The following FREM2 variants were observed in gnomAD, a reference collection of about 807,000 sequenced individuals.
The protein encoded by FREM2 is FRAS1 related extracellular matrix 2.
A neutral mutation model predicts 219.9 loss-of-function variants in FREM2; 119 were observed. The observed-to-expected ratio is 0.54, with a 90% CI of 0.47 to 0.63. The LOEUF (loss-of-function observed/expected upper bound fraction) is 0.63, where lower values mean the gene tolerates loss of function less well. Among genes scored for constraint, FREM2 ranks in the 30% least tolerant of loss-of-function variants. The pLI, the probability that FREM2 is intolerant of heterozygous loss-of-function variation, is 0.00. For missense variants in FREM2, 4,030 were observed against 3,993.6 expected (o/e 1.01, Z -0.25); for synonymous variants, 1,562 against 1,522.8 (o/e 1.03, Z -0.60).
At chr13:38,769,231 A>G (rs562812291) in intron 3 of FREM2, among the ~76,000 whole-genome samples, 1 of 152,326 alleles carries the variant, frequency 6.6e-6, no homozygotes, top group South Asian at 2.1e-4. Context: ...GCAAAAGTAA[A>G]TGTGAAGAGT....
intron 4 of FREM2, among the ~76,000 whole-genome samples, chr13:38,782,097 G>A (rs995389483): frequency 1.3e-5 from 2 of 152,216 alleles, no homozygotes; most frequent in African/African-American, 4.8e-5. Context: ...ACAGCGCAGG[G>A]TGAAGCAGGG....
intron 3 of FREM2, among the ~76,000 whole-genome samples, chr13:38,764,740 A>T (rs1311927392): frequency 6.6e-6 from 1 of 152,204 alleles, no homozygotes; most frequent in Admixed American, 6.5e-5. Context: ...GCAAATCTGT[A>T]ATTTACCCGT....
chr13:38,687,197 A>G lies in FREM2; in HGVS notation c.-148A>G. On this transcript the variant is annotated 5_prime_UTR_variant, in exon 1 of 24. Transcript: ENST00000280481. ...CCGGACGGCGCCGCGCAACTTTGCC[A>G]TCCTTCTGGCCCAGCCCCGGCTACA... The G allele has an allele frequency of 8.6e-7, 1 of 1,157,680 alleles. No homozygotes were observed. The highest frequency in any genetic ancestry group is 1.2e-6 in the Non-Finnish European group (1 of 813,952). The allele number at this position is 1,157,680 out of a possible 1,614,324, so 71.7% of individuals were successfully genotyped here. A position where few individuals can be genotyped will look rare whatever the true frequency, so the allele number is the denominator to read the frequency against.
At chr13:38,861,403 C>T (rs750384288) in intron 14 of FREM2, 28 bp from the exon 15 acceptor site, 7 of 1,604,492 alleles carry the variant, frequency 4.4e-6, no homozygotes, top group African/African-American at 1.4e-5. Context: ...CTTCTTTTCG[C>T]ATAAATATGG....
chr13:38,690,502 TTAC>T lies in FREM2; in HGVS notation c.3161_3163del (p.Thr1054del), dbSNP rs775237252. On this transcript the variant is annotated inframe_deletion, in exon 1 of 24. Transcript: ENST00000280481. ...ATTGGTGGCAATACTATCCAAGGAG[TTAC>T]TATATGGGTGACCATCCTGCCTGTT... is the stretch of plus-strand genomic sequence containing the variant. 2.2e-5 allele frequency: 36 copies of T among 1,614,054 alleles called. No homozygotes were observed. The East Asian group carries it at 7.6e-4, about 34-fold the overall frequency.
rs1179583738 is a variant in FREM2 at position 38,767,953 on chromosome 13, AAC to A, written c.5411-1623_5411-1622del. 3.9e-5 allele frequency among the ~76,000 whole-genome samples: 6 copies of A among 152,380 alleles called. No homozygotes were observed. The East Asian group carries it at 9.6e-4, about 24-fold the overall frequency. ...TTCATCTTCACTTTAAGATTAAAATAACAGTCATTGATATATTCCTATATATA... is the reference window on the plus strand; with the variant it reads ...TTCATCTTCACTTTAAGATTAAAATAAGTCATTGATATATTCCTATATATA... On this transcript the variant is annotated intron_variant, in intron 3 of 23. Transcript: ENST00000280481.
At chr13:38,755,978 T>A (rs9603416) in intron 2 of FREM2, among the ~76,000 whole-genome samples, 41,108 of 152,110 alleles carry the variant, frequency 0.27, 6,090 homozygotes, top group East Asian at 0.41. Context: ...ACTAATATTG[T>A]CATGGCCAGG....
intron 2 of FREM2, among the ~76,000 whole-genome samples, chr13:38,756,690 G>A (rs1873017198): frequency 6.6e-6 from 1 of 151,798 alleles, no homozygotes; most frequent in Non-Finnish European, 1.5e-5. Context: ...ACCATGCCTG[G>A]CTAATTTGTG....
intron 15 of FREM2, 56 bp from the exon 16 acceptor site, chr13:38,864,219 G>A (rs564618696): frequency 2.9e-6 from 4 of 1,368,116 alleles, no homozygotes; most frequent in Admixed American, 1.7e-5. Context: ...GTTTTAAAGT[G>A]TTCAAAATTC....
intron 2 of FREM2, among the ~76,000 whole-genome samples, chr13:38,715,905 G>GA (rs1029875887): frequency 6.6e-6 from 1 of 152,000 alleles, no homozygotes; most frequent in Non-Finnish European, 1.5e-5. Context: ...TAATATAAAT[G>GA]AAAATTTGTC....
At chr13:38,829,047 A>C (rs1410681607) in intron 6 of FREM2, among the ~76,000 whole-genome samples, 1 of 152,114 alleles carries the variant, frequency 6.6e-6, no homozygotes, top group African/African-American at 2.4e-5. Context: ...TAAGCATGTT[A>C]TATATATTCT....
Position 38,694,901 on chromosome 13 carries a change from A to G in FREM2, c.5173+2384A>G, listed in dbSNP as rs1870041491. On this transcript the variant is annotated intron_variant, in intron 1 of 23. Coordinates refer to ENST00000280481, the MANE Select transcript of FREM2 (RefSeq NM_207361.6). ...AGTACGTAATGATATATTCTGTGGG[A>G]TAATTTATAAGCCAGTTTCAGGAAA... is the stretch of plus-strand genomic sequence containing the variant. Among the ~76,000 whole-genome samples, 4 of 152,260 alleles carry G rather than the reference A, an allele frequency of 2.6e-5. No individual in the cohort carries two copies. The South Asian group carries it at 8.3e-4, about 32-fold the overall frequency.
In FREM2 at chr13:38,689,375, C is replaced by A. The variant is rs1266000810; in HGVS notation, c.2031C>A (p.Asn677Lys). The A allele has an allele frequency of 2.5e-6, 4 of 1,613,956 alleles. No homozygotes were observed. The highest frequency in any genetic ancestry group is 3.4e-6 in the Non-Finnish European group (4 of 1,180,004). Residue 677 changes from asparagine to lysine, a missense_variant, in exon 1 of 24, where the codon AAC becomes AAA. Transcript: ENST00000280481. The part of the protein sequence containing the change: ...TDQFTFRVQD[N>K]HDPPNQSGLQ... ...AGTTCACATTTAGAGTCCAGGATAA[C>A]CATGACCCTCCTAATCAGTCCGGGC...
intron 6 of FREM2, among the ~76,000 whole-genome samples, chr13:38,818,619 G>A (rs1875865814): frequency 6.6e-6 from 1 of 152,042 alleles, no homozygotes; most frequent in Admixed American, 6.6e-5. Flanking sequence ...AAATTCCAGT[G>A]TTCTATTGCA....
rs772116112 is a variant in FREM2 at position 38,851,708 on chromosome 13, A to G, written c.6765A>G (p.Glu2255=). 1 of 1,612,192 alleles carries G rather than the reference A, an allele frequency of 6.2e-7. No individual in the cohort carries two copies. The highest frequency in any genetic ancestry group is 1.1e-5 in the South Asian group (1 of 91,034). Residue 2255 remains glutamate (E), a synonymous_variant, in exon 11 of 24, where the codon GAA becomes GAG. Transcript: ENST00000280481. ...TAGAGACTGTTATTAAATTTGGAGA[A>G]ACCAAATTTAGTGTCACTGAACCCA... is the stretch of plus-strand genomic sequence containing the variant. ...DADKTVIKFG[E]TKFSVTEPKE...
intron 21 of FREM2, among the ~76,000 whole-genome samples, chr13:38,877,640 C>A (rs1878388171): frequency 6.6e-6 from 1 of 152,100 alleles, no homozygotes; most frequent in Non-Finnish European, 1.5e-5. Flanking sequence ...GCAGAAATAC[C>A]TGGCACTCAT....
intron 17 of FREM2, 63 bp downstream of exon 17, chr13:38,872,997 T>C: frequency 7.6e-7 from 1 of 1,314,758 alleles, no homozygotes; most frequent in East Asian, 2.5e-5. Context: ...TTTAAGACGA[T>C]TTTTTTTTGC....
chr13:38,796,015 T>G (rs919426473), intron 6 of FREM2, among the ~76,000 whole-genome samples: 1 of 151,872 alleles, frequency 6.6e-6, no homozygotes, highest in Non-Finnish European at 1.5e-5. Context: ...TCTTTCTTTC[T>G]TTTTTTGTCG....
intron 4 of FREM2, among the ~76,000 whole-genome samples, chr13:38,780,634 A>G (rs1874082375): frequency 6.6e-6 from 1 of 152,206 alleles, no homozygotes; most frequent in Non-Finnish European, 1.5e-5. Flanking sequence ...GCCAGTAGCC[A>G]GACCACACAT....
Sources: gnomAD v4.1 joint callset for allele counts (sites outside exome capture counted in the v4.1 genomes callset) on GRCh38, gnomAD v4.1.1 for gene constraint, MANE v1.5 for transcripts, NCBI Gene and HGNC (gene_info 2026-07-23, HGNC 2026-07-21) for gene names.